The following EGFR variants were observed in gnomAD, a reference collection of about 807,000 sequenced individuals.
EGFR encodes the protein epidermal growth factor receptor.
A neutral mutation model predicts 143.0 loss-of-function variants in EGFR; 58 were observed. That is an observed-to-expected ratio of 0.41 (90% CI 0.33 to 0.50). The LOEUF is 0.50. EGFR is among the 20% of genes least tolerant of loss of function. The probability of loss-of-function intolerance (pLI) is 0.39; values close to 1 mark genes in which losing one functional copy is unlikely to be tolerated. For synonymous variants in EGFR, 613 were observed against 594.4 expected (o/e 1.03, Z -0.45); for missense variants, 1,307 against 1,579.0 (o/e 0.83, Z 2.92).
At chr7:55,183,287 G>C (rs776490214) in intron 20 of EGFR, among the ~76,000 whole-genome samples, 1 of 152,156 alleles carries the variant, frequency 6.6e-6, no homozygotes, top group East Asian at 1.9e-4. Context: ...GATATGTGAA[G>C]TGGTAGATAT....
At chr7:55,166,403 G>A in intron 15 of EGFR, 2 of 530,376 alleles carry the variant, frequency 3.8e-6, no homozygotes, top group Non-Finnish European at 7.3e-6. Context: ...CCTTGGGCAA[G>A]GGTCTTACCT....
chr7:55,202,547 T>A lies in EGFR; in HGVS notation c.3193T>A (p.Phe1065Ile), dbSNP rs769949680. The A allele has an allele frequency of 1.2e-6, 2 of 1,612,670 alleles. No homozygotes were observed. Among genetic ancestry groups the A allele is most frequent in the South Asian group, 2.2e-5 (2 of 90,650 alleles). Residue 1065 changes from phenylalanine to isoleucine, a missense_variant, in exon 27 of 28, where the codon TTC becomes ATC. This residue lies in a region of EGFR where 313 missense variants were observed against 312.3 expected (regional missense o/e 1.00). Transcript: ENST00000275493. The stretch of plus-strand genomic sequence containing the variant: ...AAGCTGTCCCATCAAGGAAGACAGC[T>A]TCTTGCAGCGATACAGCTCAGACCC... ...LQSCPIKEDS[F>I]LQRYSSDPTG...
chr7:55,087,872 C>T (rs1327819848), intron 1 of EGFR, among the ~76,000 whole-genome samples: 1 of 152,180 alleles, frequency 6.6e-6, no homozygotes, highest in Non-Finnish European at 1.5e-5. Flanking sequence ...TCCTCTTCTC[C>T]TTTTGGAGTT....
chr7:55,187,673 T>C (rs1318716352), intron 20 of EGFR, among the ~76,000 whole-genome samples: 2 of 152,224 alleles, frequency 1.3e-5, no homozygotes, highest in Non-Finnish European at 2.9e-5. Context: ...AGGCCACAGA[T>C]GCTCTGAGAT....
intron 1 of EGFR, among the ~76,000 whole-genome samples, chr7:55,133,961 G>A (rs894442156): frequency 4.3e-4 from 65 of 152,352 alleles, no homozygotes; most frequent in African/African-American, 1.5e-3. Context: ...TCTCAGCGCA[G>A]AGATTAGACA....
chr7:55,210,648 G>C lies in EGFR; in HGVS notation c.*5031G>C, dbSNP rs539112891. 3 of 152,354 alleles carry C rather than the reference G, an allele frequency of 2.0e-5. No individual in the cohort carries two copies. Among genetic ancestry groups the C allele is most frequent in the East Asian group, 1.9e-4 (1 of 5,188 alleles). The allele number at this position is 152,354 out of a possible 1,614,324, so 9.4% of individuals were successfully genotyped here. On this transcript the variant is annotated 3_prime_UTR_variant, in exon 28 of 28. Transcript: ENST00000275493. ...CAAAGACCTCCACATCTGTCGCTGA[G>C]AGTCAAGAACCTGAACAGAGTTTCC...
intron 1 of EGFR, among the ~76,000 whole-genome samples, chr7:55,129,523 G>A (rs781116954): frequency 6.6e-6 from 1 of 152,184 alleles, no homozygotes; most frequent in Non-Finnish European, 1.5e-5. Context: ...GGTCCAGGAG[G>A]AGTGGACAAC....
intron 1 of EGFR, among the ~76,000 whole-genome samples, chr7:55,054,515 C>T (rs1212744549): frequency 1.3e-5 from 2 of 152,212 alleles, no homozygotes; most frequent in African/African-American, 2.4e-5. Context: ...GGCGCGCCCG[C>T]GGGGCCTGGA....
chr7:55,173,627 C>T (rs904525727), intron 17 of EGFR, among the ~76,000 whole-genome samples: 2 of 152,246 alleles, frequency 1.3e-5, no homozygotes, highest in South Asian at 2.1e-4. Context: ...ACTTCCCTAC[C>T]GGAGTTTTCA....
intron 1 of EGFR, among the ~76,000 whole-genome samples, chr7:55,110,436 A>C (rs1304399941): frequency 6.6e-6 from 1 of 152,208 alleles, no homozygotes; most frequent in Non-Finnish European, 1.5e-5. Flanking sequence ...CACATGGGGC[A>C]GCTCTCCCAC....
At chr7:55,149,310 C>A (rs1794914837) in intron 4 of EGFR, among the ~76,000 whole-genome samples, 1 of 152,036 alleles carries the variant, frequency 6.6e-6, no homozygotes, top group Non-Finnish European at 1.5e-5. Flanking sequence ...TTAATAAAAA[C>A]CTGGCCCAGA....
rs749433287 is a variant in EGFR at position 55,019,285 on chromosome 7, C to T, written c.8C>T (p.Pro3Leu). 3 of 1,505,008 alleles carry T rather than the reference C, an allele frequency of 2.0e-6. No homozygotes were observed. Among genetic ancestry groups the T allele is most frequent in the Non-Finnish European group, 2.7e-6 (3 of 1,121,754 alleles). The allele number at this position is 1,505,008 out of a possible 1,614,324, so 93.2% of individuals were successfully genotyped here. ...GCTCTTCGGGGAGCAGCGATGCGAC[C>T]CTCCGGGACGGCCGGGGCAGCGCTC... MR[P>L]SGTAGAALLA... Residue 3 changes from proline to leucine, a missense_variant, in exon 1 of 28, where the codon CCC becomes CTC. Pro to Leu is a moderately conservative substitution (Grantham distance 98). Coordinates refer to ENST00000275493, the MANE Select transcript of EGFR (RefSeq NM_005228.5).
chr7:55,054,148 C>G (rs2128875663), intron 1 of EGFR, among the ~76,000 whole-genome samples: 1 of 152,332 alleles, frequency 6.6e-6, no homozygotes, highest in South Asian at 2.1e-4. Flanking sequence ...CCCAGGCTCC[C>G]CACCCGCCTT....
rs772053702 is a variant in EGFR at position 55,155,885 on chromosome 7, C to T, written c.945C>T (p.Ser315=). ...GCGTCCGAGCCTGTGGGGCCGACAG[C>T]TATGAGATGGAGGAAGACGGCGTCC... The part of the protein sequence containing the change: ...GSCVRACGAD[S]YEMEEDGVRK... The change falls in exon 8 of 28, where the codon AGC becomes AGT. Residue 315 remains serine, a synonymous_variant. Transcript: ENST00000275493. The T allele has an allele frequency of 1.9e-6, 3 of 1,614,056 alleles. No individual in the cohort carries two copies. In the South Asian group the frequency reaches 3.3e-5, roughly 18 times the overall value.
At chr7:55,205,000 C>T (rs1216932069) in intron 27 of EGFR, among the ~76,000 whole-genome samples, 1 of 152,110 alleles carries the variant, frequency 6.6e-6, no homozygotes, top group Non-Finnish European at 1.5e-5. Context: ...TACACACACA[C>T]ATACACACAC....
At chr7:55,151,875 A>AAAC (rs17336556) in intron 5 of EGFR, among the ~76,000 whole-genome samples, 43 of 151,248 alleles carry the variant, frequency 2.8e-4, no homozygotes, top group South Asian at 1.9e-3. Context: ...CTCCGTCTCA[A>AAAC]AACAACAACA....
intron 5 of EGFR, 98 bp from the exon 6 acceptor site, chr7:55,152,448 A>T: frequency 8.9e-7 from 1 of 1,125,716 alleles, no homozygotes; most frequent in Non-Finnish European, 1.4e-6. Flanking sequence ...ATGTGTCTTC[A>T]CTTTTTCATG....
At chr7:55,025,876 T>C (rs1308015988) in intron 1 of EGFR, among the ~76,000 whole-genome samples, 1 of 152,214 alleles carries the variant, frequency 6.6e-6, no homozygotes, top group Non-Finnish European at 1.5e-5. Context: ...AAGTCATGTT[T>C]ATATATTGCT....
intron 15 of EGFR, among the ~76,000 whole-genome samples, chr7:55,167,762 A>T (rs1170280141): frequency 6.6e-6 from 1 of 152,160 alleles, no homozygotes; most frequent in African/African-American, 2.4e-5. Flanking sequence ...CATGATGATG[A>T]TTTGTCAACT....
Sources: allele counts gnomAD v4.1 joint callset (sites outside exome capture counted in the v4.1 genomes callset), GRCh38; gene constraint gnomAD v4.1.1; regional missense constraint gnomAD v4.1.1; transcripts MANE v1.5; gene names NCBI Gene and HGNC (gene_info 2026-07-23, HGNC 2026-07-21).